Variants in CDH12 observed in about 807,000 individuals in gnomAD.
CDH12 encodes the protein cadherin-12.
In CDH12, 41 loss-of-function variants were observed where a neutral mutation model predicts 74.1. That is an observed-to-expected ratio of 0.55 (90% CI 0.43 to 0.72). The LOEUF (loss-of-function observed/expected upper bound fraction) is 0.72, where lower values mean the gene tolerates loss of function less well. CDH12 is among the 30% of genes least tolerant of loss of function. The probability of loss-of-function intolerance (pLI) is 0.00; values close to 1 mark genes in which losing one functional copy is unlikely to be tolerated. For synonymous variants in CDH12, 399 were observed against 355.0 expected (o/e 1.12, Z -1.39); for missense variants, 945 against 977.2 (o/e 0.97, Z 0.44).
At chr5:22,265,300 A>G (rs1753665339) in intron 3 of CDH12, among the ~76,000 whole-genome samples, 1 of 152,196 alleles carries the variant, frequency 6.6e-6, no homozygotes, top group South Asian at 2.1e-4. Flanking sequence ...ATAGTGACTG[A>G]TTATAACACG....
intron 5 of CDH12, among the ~76,000 whole-genome samples, chr5:22,023,286 T>C (rs1418804670): frequency 6.6e-6 from 1 of 152,138 alleles, no homozygotes; most frequent in African/African-American, 2.4e-5. Flanking sequence ...CAATAAGATG[T>C]ATGCCACCTG....
intron 9 of CDH12, among the ~76,000 whole-genome samples, chr5:21,807,772 C>T (rs558999123): frequency 9.1e-4 from 138 of 152,184 alleles, no homozygotes; most frequent in African/African-American, 3.2e-3. Flanking sequence ...AATGACTCTG[C>T]CATTCATTGT....
chr5:22,688,414 T>C (rs563063054), intron 1 of CDH12, among the ~76,000 whole-genome samples: 1 of 152,326 alleles, frequency 6.6e-6, no homozygotes, highest in Non-Finnish European at 1.5e-5. Flanking sequence ...TATTTTCACA[T>C]CTTTTGAATT....
At chr5:22,644,704 G>C (rs1026384397) in intron 1 of CDH12, among the ~76,000 whole-genome samples, 2 of 151,702 alleles carry the variant, frequency 1.3e-5, no homozygotes, top group Non-Finnish European at 2.9e-5. Flanking sequence ...TAGCCTGCTG[G>C]TGGAAGAAGA....
intron 3 of CDH12, among the ~76,000 whole-genome samples, chr5:22,223,417 G>A (rs1372021868): frequency 6.6e-6 from 1 of 152,000 alleles, no homozygotes; most frequent in African/African-American, 2.4e-5. Flanking sequence ...GTCTAAAAGG[G>A]TCAGCCTTAT....
chr5:22,292,341 G>GT (rs60010478), intron 3 of CDH12, among the ~76,000 whole-genome samples: 7 of 105,384 alleles, frequency 6.6e-5, no homozygotes, highest in African/African-American at 1.7e-4. Flanking sequence ...TTTGGTTTTT[G>GT]TTTTTTTTTT....
chr5:22,568,035 T>C (rs543124076), intron 1 of CDH12, among the ~76,000 whole-genome samples: 2 of 152,342 alleles, frequency 1.3e-5, no homozygotes, highest in East Asian at 3.9e-4. Flanking sequence ...TTGATTTCTA[T>C]GTAATTTAAT....
At chr5:22,034,848 T>C (rs1046075930) in intron 5 of CDH12, among the ~76,000 whole-genome samples, 1 of 152,168 alleles carries the variant, frequency 6.6e-6, no homozygotes, top group Non-Finnish European at 1.5e-5. Context: ...ATAAGTAATT[T>C]GACAATAAAA....
intron 1 of CDH12, among the ~76,000 whole-genome samples, chr5:22,708,753 T>C (rs1230798107): frequency 2.0e-5 from 3 of 152,048 alleles, no homozygotes; most frequent in African/African-American, 7.2e-5. Flanking sequence ...ATATTGAGGG[T>C]GAAATAAATA....
chr5:22,487,627 A>G (rs1161207417), intron 2 of CDH12, among the ~76,000 whole-genome samples: 2 of 152,232 alleles, frequency 1.3e-5, no homozygotes, highest in Non-Finnish European at 2.9e-5. Context: ...AGCTGTAAAA[A>G]TGTATGTCAA....
intron 14 of CDH12, among the ~76,000 whole-genome samples, chr5:21,753,436 A>T (rs1036618577): frequency 9.2e-5 from 14 of 152,168 alleles, no homozygotes; most frequent in African/African-American, 3.4e-4. Flanking sequence ...GAGAGACTGC[A>T]GACCTCATGG....
rs1746834462 is a variant in CDH12 at position 22,772,025 on chromosome 5, A to G, written c.-523+81033T>C. 2.0e-5 allele frequency among the ~76,000 whole-genome samples: 3 copies of G among 152,092 alleles called. No individual in the cohort carries two copies. In the South Asian group the frequency reaches 6.2e-4, roughly 31 times the overall value. On this transcript the variant is annotated intron_variant, in intron 1 of 14. Transcript: ENST00000382254. The stretch of plus-strand genomic sequence containing the variant: ...ATTAATCCTAGGGACACTCAAATTA[A>G]ACAGGTAAATCACCCCGATCTAACA...
intron 1 of CDH12, among the ~76,000 whole-genome samples, chr5:22,743,297 T>G (rs1245083668): frequency 6.7e-6 from 1 of 148,222 alleles, no homozygotes; most frequent in Non-Finnish European, 1.5e-5. Context: ...TATATGTATA[T>G]GTATATATAT....
In CDH12 at chr5:22,627,478, T is replaced by C. The variant is rs186267911; in HGVS notation, c.-522-122114A>G. 1.5e-3 allele frequency among the ~76,000 whole-genome samples: 231 copies of C among 151,556 alleles called. 1 individual carries two copies. The highest frequency in any genetic ancestry group is 5.1e-3 in the African/African-American group (212 of 41,400). On this transcript the variant is annotated intron_variant, in intron 1 of 14. Coordinates refer to ENST00000382254, the MANE Select transcript of CDH12 (RefSeq NM_004061.5). Reference sequence around the variant, plus strand: ...AAAAAAGAAACTCTGATCAAGGATTTCATATCCAGCCAAACTAAGTTTTAT... The same window carrying C: ...AAAAAAGAAACTCTGATCAAGGATTCCATATCCAGCCAAACTAAGTTTTAT...
intron 6 of CDH12, among the ~76,000 whole-genome samples, chr5:21,937,113 A>G (rs2150086337): frequency 6.6e-6 from 1 of 152,330 alleles, no homozygotes; most frequent in African/African-American, 2.4e-5. Flanking sequence ...AGGAAATTAA[A>G]AGCATAACAA....
intron 1 of CDH12, among the ~76,000 whole-genome samples, chr5:22,700,446 G>A (rs190942347): frequency 6.6e-6 from 1 of 152,070 alleles, no homozygotes; most frequent in South Asian, 2.1e-4. Context: ...GTCAAATAAG[G>A]CCTGATGTAT....
rs1023121595 is a variant in CDH12, at chr5:22,791,828, C to T, written c.-523+61230G>A. Among the ~76,000 whole-genome samples the T allele has an allele frequency of 3.9e-5, 6 of 152,218 alleles. No homozygotes were observed. In the South Asian group the frequency reaches 1.0e-3, roughly 26 times the overall value. On this transcript the variant is annotated intron_variant, in intron 1 of 14. Coordinates refer to ENST00000382254, the MANE Select transcript of CDH12 (RefSeq NM_004061.5). ...AACTTACTCACTATCACAAGAATAG[C>T]AAGGGGGAAATCCGCCTCTGTGATC...
At chr5:22,729,767 G>A (rs1441012323) in intron 1 of CDH12, among the ~76,000 whole-genome samples, 1 of 151,872 alleles carries the variant, frequency 6.6e-6, no homozygotes, top group East Asian at 1.9e-4. Context: ...CAGCACAGCA[G>A]GTAAGAATGC....
chr5:22,388,078 C>A (rs1742076840), intron 3 of CDH12, among the ~76,000 whole-genome samples: 1 of 152,046 alleles, frequency 6.6e-6, no homozygotes, highest in East Asian at 1.9e-4. Context: ...ATTCTGTAGA[C>A]TTGTCCATTA....
Sources: allele counts gnomAD v4.1 joint callset (sites outside exome capture counted in the v4.1 genomes callset), GRCh38; gene constraint gnomAD v4.1.1; transcripts MANE v1.5; gene names NCBI Gene and HGNC (gene_info 2026-07-23, HGNC 2026-07-21).